CACNA2D3: variants seen among roughly 807,000 people sequenced by gnomAD.
CACNA2D3 encodes the protein calcium voltage-gated channel auxiliary subunit alpha2delta 3.
A neutral mutation model predicts 160.6 loss-of-function variants in CACNA2D3; 60 were observed. The ratio of observed to expected loss-of-function variants is 0.37; its 90% confidence interval spans 0.30 to 0.46. The LOEUF is 0.46. Ranked by LOEUF, CACNA2D3 falls within the 20% of genes least tolerant of loss-of-function variation. The pLI is 1.00. For missense variants in CACNA2D3, 1,205 were observed against 1,365.0 expected, an observed-to-expected ratio of 0.88 and a Z score of 1.85; for synonymous variants, 558 against 492.9, an observed-to-expected ratio of 1.13 and a Z score of -1.75.
At chr3:54,949,585 C>A (rs189272542) in intron 27 of CACNA2D3, among the ~76,000 whole-genome samples, 1 of 152,174 alleles carries the variant, frequency 6.6e-6, no homozygotes, top group African/African-American at 2.4e-5. Context: ...ACCCAAGGGG[C>A]AGCACTGGAA....
rs371087099 is a variant in CACNA2D3, at chr3:54,910,224, G to A, written c.2449+10356G>A. ...AATAAAATTTCAGAATGAAAACATCGTGTATGGTCATAGTATATGCTTTAC... is the reference window on the plus strand; with the variant it reads ...AATAAAATTTCAGAATGAAAACATCATGTATGGTCATAGTATATGCTTTAC... On this transcript the variant is annotated intron_variant, in intron 27 of 37. Transcript: ENST00000474759. Among the ~76,000 whole-genome samples the A allele has an allele frequency of 4.6e-5, 7 of 152,230 alleles. No individual in the cohort carries two copies. The East Asian group carries it at 5.8e-4, about 13-fold the overall frequency.
chr3:55,020,910 G>T (rs1161213884), intron 35 of CACNA2D3, among the ~76,000 whole-genome samples: 1 of 151,322 alleles, frequency 6.6e-6, no homozygotes, highest in Non-Finnish European at 1.5e-5. Flanking sequence ...CTTACACCAT[G>T]AACTTTTTGT....
intron 10 of CACNA2D3, chr3:54,638,168 C>A (rs1172859850): frequency 1.3e-5 from 2 of 151,806 alleles, no homozygotes; most frequent in Non-Finnish European, 2.9e-5. Context: ...ATGTCGGGAG[C>A]AGATTGGGTA....
At chr3:54,456,901 T>A (rs1161973302) in intron 4 of CACNA2D3, among the ~76,000 whole-genome samples, 2 of 151,940 alleles carry the variant, frequency 1.3e-5, no homozygotes, top group Non-Finnish European at 2.9e-5. Context: ...TTGCTTATAG[T>A]GGTCTGTAAT....
chr3:54,723,258 C>T (rs1222113811), intron 11 of CACNA2D3, among the ~76,000 whole-genome samples: 2 of 152,300 alleles, frequency 1.3e-5, no homozygotes, highest in East Asian at 1.9e-4. Flanking sequence ...CTAGAGCATC[C>T]CATTTGGATC....
chr3:54,393,466 C>T (rs1010191544), intron 4 of CACNA2D3, among the ~76,000 whole-genome samples: 9 of 152,192 alleles, frequency 5.9e-5, no homozygotes, highest in African/African-American at 1.7e-4. Context: ...GCTTTGTTGC[C>T]ACTGAACCAC....
chr3:54,823,870 C>T (rs1703693070), intron 14 of CACNA2D3, among the ~76,000 whole-genome samples: 1 of 152,128 alleles, frequency 6.6e-6, no homozygotes, highest in Admixed American at 6.5e-5. Flanking sequence ...TACATTTTTG[C>T]ATATTTCAAA....
intron 11 of CACNA2D3, among the ~76,000 whole-genome samples, chr3:54,709,359 TC>T: frequency 1.2e-5 from 1 of 81,828 alleles, no homozygotes; most frequent in African/African-American, 4.2e-5. Context: ...GTCCTCTCTC[TC>T]TCTCTTTTTT....
intron 25 of CACNA2D3, among the ~76,000 whole-genome samples, chr3:54,895,775 C>T (rs1400025524): frequency 8.5e-5 from 13 of 152,136 alleles, no homozygotes; most frequent in Admixed American, 6.5e-5. Flanking sequence ...TGAGTTGCAC[C>T]GTATCAGCCA....
rs540417405 is a variant in CACNA2D3 at position 54,135,084 on chromosome 3, C to A, written c.204+11490C>A. ...TAGGGAGAAATGTGAATTTTAATTT[C>A]TGTTCCCTTCGCCTTCACATGGGGT... On this transcript the variant is annotated intron_variant, in intron 2 of 37. Coordinates refer to ENST00000474759, the MANE Select transcript of CACNA2D3 (RefSeq NM_018398.3). Among the ~76,000 whole-genome samples, 37 of 152,324 alleles carry A rather than the reference C, an allele frequency of 2.4e-4. 2 individuals are homozygous for A. In the South Asian group the frequency reaches 7.3e-3, roughly 30 times the overall value.
intron 24 of CACNA2D3, 51 bp from the exon 25 acceptor site, chr3:54,891,304 A>T: frequency 8.0e-7 from 1 of 1,244,584 alleles, no homozygotes; most frequent in South Asian, 1.2e-5. Flanking sequence ...GCAATGTATT[A>T]TCTGCTTACT....
chr3:54,194,107 T>C (rs892084683), intron 2 of CACNA2D3, among the ~76,000 whole-genome samples: 1 of 151,408 alleles, frequency 6.6e-6, no homozygotes, highest in African/African-American at 2.4e-5. Flanking sequence ...TAAAGAGAGG[T>C]TGGTTAATGG....
At chr3:54,710,844 G>C (rs542382688) in intron 11 of CACNA2D3, among the ~76,000 whole-genome samples, 3 of 152,290 alleles carry the variant, frequency 2.0e-5, no homozygotes, top group Admixed American at 1.3e-4. Context: ...TTTGCTACCA[G>C]TTAGGAGGAT....
At chr3:54,987,568 A>C in intron 30 of CACNA2D3, 115 bp from the exon 31 acceptor site, 1 of 609,898 alleles carries the variant, frequency 1.6e-6, no homozygotes. Context: ...TTTCCTGAAA[A>C]CCTGCCTTTT....
At chr3:54,440,319 C>T (rs955369600) in intron 4 of CACNA2D3, among the ~76,000 whole-genome samples, 2 of 152,020 alleles carry the variant, frequency 1.3e-5, no homozygotes, top group African/African-American at 2.4e-5. Context: ...CAGATGAAAC[C>T]CACCCTCTGG....
At chr3:54,855,723 G>A (rs562194537) in intron 17 of CACNA2D3, among the ~76,000 whole-genome samples, 2 of 152,272 alleles carry the variant, frequency 1.3e-5, no homozygotes, top group African/African-American at 4.8e-5. Context: ...TAGTGGGAGT[G>A]GAGAATTTCC....
intron 29 of CACNA2D3, among the ~76,000 whole-genome samples, chr3:54,981,956 A>G (rs1702518550): frequency 1.3e-5 from 2 of 152,190 alleles, no homozygotes; most frequent in African/African-American, 4.8e-5. Flanking sequence ...AGGGTGGGGA[A>G]AGTGAAGAGC....
chr3:54,693,445 G>A (rs976995993), intron 11 of CACNA2D3, among the ~76,000 whole-genome samples: 1 of 152,206 alleles, frequency 6.6e-6, no homozygotes, highest in Non-Finnish European at 1.5e-5. Context: ...TCATATAAAA[G>A]TATAGCACAC....
At chr3:54,422,506 T>G (rs1699852832) in intron 4 of CACNA2D3, among the ~76,000 whole-genome samples, 2 of 152,200 alleles carry the variant, frequency 1.3e-5, no homozygotes, top group African/African-American at 4.8e-5. Context: ...AGTATCAATC[T>G]GCTGCAAAGA....
Sources: allele counts gnomAD v4.1 joint callset (sites outside exome capture counted in the v4.1 genomes callset), GRCh38; gene constraint gnomAD v4.1.1; transcripts MANE v1.5; gene names NCBI Gene and HGNC (gene_info 2026-07-23, HGNC 2026-07-21).